Variants in WWC2 observed in about 807,000 individuals in gnomAD.
WWC2 encodes the protein WW and C2 domain containing 2.
Under a neutral mutation model 138.5 loss-of-function variants are expected in WWC2, and 101 were observed. The ratio of observed to expected loss-of-function variants is 0.73; its 90% confidence interval spans 0.62 to 0.86. The LOEUF is 0.86. Ranked by LOEUF, WWC2 falls within the 40% of genes least tolerant of loss-of-function variation. The probability of loss-of-function intolerance (pLI) is 0.00; values close to 1 mark genes in which losing one functional copy is unlikely to be tolerated. For missense variants in WWC2, 1,420 were observed against 1,419.4 expected (o/e 1.00, Z -0.01); for synonymous variants, 558 against 538.4 (o/e 1.04, Z -0.50).
intron 2 of WWC2, among the ~76,000 whole-genome samples, chr4:183,199,855 A>G (rs1401076479): frequency 2.6e-5 from 4 of 152,248 alleles, no homozygotes; most frequent in Non-Finnish European, 5.9e-5. Flanking sequence ...TCTTTAATAT[A>G]GTAGAAAACA....
At chr4:183,220,650 C>T (rs562640809) in intron 4 of WWC2, among the ~76,000 whole-genome samples, 11 of 151,486 alleles carry the variant, frequency 7.3e-5, no homozygotes, top group East Asian at 3.9e-4. Flanking sequence ...CTGGCTAACA[C>T]AGTGAAACGC....
intron 4 of WWC2, among the ~76,000 whole-genome samples, chr4:183,221,161 T>C (rs1235538686): frequency 6.6e-6 from 1 of 152,226 alleles, no homozygotes; most frequent in Non-Finnish European, 1.5e-5. Flanking sequence ...AGTTGTCATA[T>C]TAATATCAGA....
intron 1 of WWC2, among the ~76,000 whole-genome samples, chr4:183,152,191 T>G (rs1733652426): frequency 6.6e-6 from 1 of 152,114 alleles, no homozygotes; most frequent in Non-Finnish European, 1.5e-5. Flanking sequence ...TGGGTCTGGT[T>G]GTTCTATGTA....
chr4:183,204,556 C>A (rs1031138450), intron 2 of WWC2, among the ~76,000 whole-genome samples: 1 of 152,142 alleles, frequency 6.6e-6, no homozygotes, highest in African/African-American at 2.4e-5. Flanking sequence ...CTTTATCAGT[C>A]ATCATCAGTC....
chr4:183,258,566 C>T (rs980944676), intron 9 of WWC2, among the ~76,000 whole-genome samples: 2 of 152,174 alleles, frequency 1.3e-5, no homozygotes, highest in Non-Finnish European at 2.9e-5. Context: ...CACCACTTTT[C>T]AGGGCATGCT....
In WWC2 at chr4:183,212,667, C is replaced by T. The variant is rs148809383; in HGVS notation, c.522+3642C>T. 3.7e-3 allele frequency among the ~76,000 whole-genome samples: 569 copies of T among 152,080 alleles called. 3 individuals carry two copies. The highest frequency in any genetic ancestry group is 0.013 in the African/African-American group (532 of 41,468). On this transcript the variant is annotated intron_variant, in intron 4 of 22. Transcript: ENST00000403733. ...AGCTGTTAATCTGTATACTTAGATC[C>T]GCTAAGAAATATGCAAACTGAGGGA...
intron 2 of WWC2, among the ~76,000 whole-genome samples, chr4:183,200,720 G>T (rs1199326472): frequency 6.6e-6 from 1 of 152,132 alleles, no homozygotes. Flanking sequence ...TGCCACGTGG[G>T]CCTCTCCACA....
intron 1 of WWC2, among the ~76,000 whole-genome samples, chr4:183,179,411 T>A (rs4361433): frequency 0.98 from 149,677 of 152,286 alleles, 73,604 homozygotes; most frequent in Middle Eastern, 1. Flanking sequence ...CTGTGTGGAG[T>A]ATGGGTTATA....
intron 1 of WWC2, among the ~76,000 whole-genome samples, chr4:183,174,436 A>C (rs761368719): frequency 1.3e-4 from 20 of 152,000 alleles, no homozygotes; most frequent in Admixed American, 4.6e-4. Flanking sequence ...TCTGTTTCTC[A>C]TGTCTCCTGA....
chr4:183,164,166 A>C (rs1309488366), intron 1 of WWC2, among the ~76,000 whole-genome samples: 1 of 151,094 alleles, frequency 6.6e-6, no homozygotes, highest in Non-Finnish European at 1.5e-5. Context: ...AATTTCATTT[A>C]GTAAGATTGC....
chr4:183,137,865 G>C (rs1733172361), intron 1 of WWC2, among the ~76,000 whole-genome samples: 1 of 152,136 alleles, frequency 6.6e-6, no homozygotes, highest in Non-Finnish European at 1.5e-5. Flanking sequence ...CGTTGTTACT[G>C]TGTGATAACG....
At chr4:183,202,159 G>A (rs945961022) in intron 2 of WWC2, among the ~76,000 whole-genome samples, 1 of 152,126 alleles carries the variant, frequency 6.6e-6, no homozygotes, top group Non-Finnish European at 1.5e-5. Context: ...TCTGGGTTAT[G>A]GGAATGGTCT....
At chr4:183,208,882 A>T in intron 3 of WWC2, 67 bp from the exon 4 acceptor site, 1 of 1,116,452 alleles carries the variant, frequency 9.0e-7, no homozygotes, top group Non-Finnish European at 1.3e-6. Context: ...TAGCTTCAGT[A>T]AATTCTAAGC....
chr4:183,110,720 A>G (rs537851749), intron 1 of WWC2, among the ~76,000 whole-genome samples: 58 of 152,336 alleles, frequency 3.8e-4, no homozygotes, highest in African/African-American at 1.3e-3. Context: ...TGTTATGACA[A>G]TAATCACTTT....
intron 18 of WWC2, among the ~76,000 whole-genome samples, chr4:183,283,237 G>A (rs753147615): frequency 2.6e-5 from 4 of 152,170 alleles, no homozygotes; most frequent in African/African-American, 4.8e-5. Context: ...GTCAAGTTCC[G>A]TATATGTAGT....
intron 4 of WWC2, among the ~76,000 whole-genome samples, chr4:183,228,550 A>G (rs970309003): frequency 4.6e-5 from 7 of 152,156 alleles, no homozygotes; most frequent in South Asian, 2.1e-4. Flanking sequence ...ACTTGTTTCA[A>G]TATATTTCAA....
At chr4:183,290,410 C>T (rs1450283433) in intron 21 of WWC2, among the ~76,000 whole-genome samples, 8 of 151,334 alleles carry the variant, frequency 5.3e-5, no homozygotes, top group East Asian at 2.0e-4. Flanking sequence ...CCCAGCTATT[C>T]GGGAGACTGA....
At chr4:183,161,036 T>TTA (rs1733948585) in intron 1 of WWC2, among the ~76,000 whole-genome samples, 1 of 151,584 alleles carries the variant, frequency 6.6e-6, no homozygotes, top group Admixed American at 6.6e-5. Context: ...TCCTAGAGCA[T>TTA]TAAAAAAAAA....
At chr4:183,139,602 G>T (rs1733230823) in intron 1 of WWC2, among the ~76,000 whole-genome samples, 1 of 152,160 alleles carries the variant, frequency 6.6e-6, no homozygotes, top group Admixed American at 6.5e-5. Flanking sequence ...ACTCTTGACA[G>T]ATGATGAATA....
Sources: allele counts gnomAD v4.1 joint callset (sites outside exome capture counted in the v4.1 genomes callset), GRCh38; gene constraint gnomAD v4.1.1; transcripts MANE v1.5; gene names NCBI Gene and HGNC (gene_info 2026-07-23, HGNC 2026-07-21).